The following PDE1C variants were observed in gnomAD, a reference collection of about 807,000 sequenced individuals.
PDE1C encodes the protein dual specificity calcium/calmodulin-dependent 3',5'-cyclic nucleotide phosphodiesterase 1C.
Under a neutral mutation model 93.1 loss-of-function variants are expected in PDE1C, and 62 were observed. The observed-to-expected ratio is 0.67, with a 90% CI of 0.54 to 0.82. PDE1C has a LOEUF of 0.82. Ranked by LOEUF, PDE1C falls within the 40% of genes least tolerant of loss-of-function variation. PDE1C has a pLI of 0.00. For missense variants in PDE1C, 742 were observed against 884.6 expected (o/e 0.84, Z 2.04); for synonymous variants, 325 against 310.1 (o/e 1.05, Z -0.50).
intron 1 of PDE1C, among the ~76,000 whole-genome samples, chr7:32,417,210 A>G (rs1214368627): frequency 6.6e-6 from 1 of 152,044 alleles, no homozygotes; most frequent in African/African-American, 2.4e-5. Context: ...TGCTCAGGGC[A>G]CCCAGAAAAG....
intron 3 of PDE1C, among the ~76,000 whole-genome samples, chr7:32,095,175 CA>C (rs199588747): frequency 2.0e-5 from 3 of 151,818 alleles, no homozygotes; most frequent in Non-Finnish European, 2.9e-5. Context: ...TATTTCATTA[CA>C]AAAAAAACAG....
chr7:31,628,164 C>G, the PDE1C span, among the ~76,000 whole-genome samples: 6 of 152,166 alleles, frequency 3.9e-5, no homozygotes, highest in Non-Finnish European at 8.8e-5. Context: ...TCAAAAAGTG[C>G]CCTGAAGGAG....
chr7:31,642,334 C>A, the PDE1C span: 1 of 979,106 alleles, frequency 1.0e-6, no homozygotes, highest in Non-Finnish European at 1.5e-6. Context: ...GGCTGCCACC[C>A]AAACCTCACT....
intron 1 of PDE1C, among the ~76,000 whole-genome samples, chr7:32,345,070 C>T (rs914729470): frequency 2.0e-5 from 3 of 152,308 alleles, no homozygotes; most frequent in Admixed American, 6.5e-5. Flanking sequence ...CATCCTCAAA[C>T]CATGCCCCTT....
the PDE1C span, among the ~76,000 whole-genome samples, chr7:31,691,451 T>C: frequency 1.3e-5 from 2 of 152,178 alleles, no homozygotes; most frequent in African/African-American, 4.8e-5. Context: ...AGTAATAAAT[T>C]ATCTAAAAAG....
At chr7:31,670,916 C>A in the PDE1C span, among the ~76,000 whole-genome samples, 11 of 152,220 alleles carry the variant, frequency 7.2e-5, no homozygotes, top group Admixed American at 7.2e-4. Flanking sequence ...CAGAGAGGAG[C>A]AGCTTGAGTT....
rs59168182 is a variant in PDE1C, at chr7:32,011,401, C to T, written c.128+40153G>A. ...TAGAGACAGGGTTTTGCCGTGTTAG[C>T]CAGGATGGTCTCGATCTCCTGACCT... is the stretch of plus-strand genomic sequence containing the variant. On this transcript the variant is annotated intron_variant, in intron 2 of 17. Transcript: ENST00000396191. Among the ~76,000 whole-genome samples, 1,174 of 152,092 alleles carry T rather than the reference C, an allele frequency of 7.7e-3. 15 individuals are homozygous for T. The highest frequency in any genetic ancestry group is 0.027 in the African/African-American group (1,127 of 41,474).
At chr7:31,890,465 C>G (rs139079435) in intron 2 of PDE1C, among the ~76,000 whole-genome samples, 1 of 152,148 alleles carries the variant, frequency 6.6e-6, no homozygotes, top group East Asian at 1.9e-4. Flanking sequence ...TGCCTAGACA[C>G]GTCAAGACAC....
chr7:32,270,155 T>C (rs530318771), intron 1 of PDE1C, among the ~76,000 whole-genome samples: 51 of 152,254 alleles, frequency 3.3e-4, no homozygotes, highest in Admixed American at 2.8e-3. Flanking sequence ...CTATTTTACA[T>C]GCAAGTGTTT....
chr7:32,104,227 C>T (rs534565461), intron 3 of PDE1C, among the ~76,000 whole-genome samples: 1 of 152,282 alleles, frequency 6.6e-6, no homozygotes, highest in Non-Finnish European at 1.5e-5. Context: ...CAAGGTACAA[C>T]ATCATGAAAG....
intron 2 of PDE1C, among the ~76,000 whole-genome samples, chr7:31,993,252 T>C (rs1240363565): frequency 6.6e-6 from 1 of 152,188 alleles, no homozygotes; most frequent in African/African-American, 2.4e-5. Flanking sequence ...GATCATTCAG[T>C]ATGAATGTTT....
intron 2 of PDE1C, among the ~76,000 whole-genome samples, chr7:31,912,995 A>T (rs1344982705): frequency 2.0e-5 from 3 of 152,140 alleles, no homozygotes; most frequent in African/African-American, 7.2e-5. Context: ...ATTTTAACCT[A>T]TAGTAATATT....
At chr7:31,953,933 C>T (rs1234212663) in intron 2 of PDE1C, among the ~76,000 whole-genome samples, 3 of 152,176 alleles carry the variant, frequency 2.0e-5, no homozygotes, top group Admixed American at 6.5e-5. Context: ...TAATTTAAAC[C>T]GTGATGATTG....
intron 15 of PDE1C, 129 bp from the exon 16 acceptor site, chr7:31,809,237 G>A (rs912511423): frequency 3.5e-5 from 20 of 565,302 alleles, no homozygotes; most frequent in African/African-American, 1.9e-4. Flanking sequence ...ATGTGTCTGA[G>A]TGTAAATATC....
chr7:32,178,366 G>T (rs1280554168), intron 2 of PDE1C, among the ~76,000 whole-genome samples: 1 of 152,080 alleles, frequency 6.6e-6, no homozygotes, highest in African/African-American at 2.4e-5. Context: ...CACAAATGTG[G>T]GCAGAAGACT....
downstream of PDE1C, among the ~76,000 whole-genome samples, chr7:31,746,214 T>A (rs1794004165): frequency 6.6e-6 from 1 of 152,186 alleles, no homozygotes; most frequent in African/African-American, 2.4e-5. Context: ...AATGGAGGGC[T>A]GTAATTCCTA....
At chr7:31,943,920 T>C (rs1016710257) in intron 2 of PDE1C, among the ~76,000 whole-genome samples, 1 of 152,120 alleles carries the variant, frequency 6.6e-6, no homozygotes, top group Non-Finnish European at 1.5e-5. Flanking sequence ...ATAAAGAATC[T>C]CATCAGGCAA....
At chr7:32,299,389 C>A, upstream of PDE1C, 1 of 985,572 alleles carries the variant, frequency 1.0e-6, no homozygotes, top group Non-Finnish European at 1.2e-6. Context: ...CCTGGAGCCC[C>A]GATAGTGTTT....
intron 2 of PDE1C, among the ~76,000 whole-genome samples, chr7:32,023,840 A>T (rs1020813102): frequency 6.6e-6 from 1 of 152,118 alleles, no homozygotes; most frequent in East Asian, 1.9e-4. Context: ...TTGTGGAGGT[A>T]ATTACACAGG....
Sources: gnomAD v4.1 joint callset for allele counts (sites outside exome capture counted in the v4.1 genomes callset) on GRCh38, gnomAD v4.1.1 for gene constraint, MANE v1.5 for transcripts, NCBI Gene and HGNC (gene_info 2026-07-23, HGNC 2026-07-21) for gene names.